Variants in PROSER1 observed in about 807,000 individuals in gnomAD.
PROSER1 encodes the protein proline and serine rich 1.
In PROSER1, 36 loss-of-function variants were observed where a neutral mutation model predicts 71.8. That is an observed-to-expected ratio of 0.50 (90% CI 0.38 to 0.66). PROSER1 has a LOEUF of 0.66. Among genes scored for constraint, PROSER1 ranks in the 30% least tolerant of loss-of-function variants. The pLI is 0.00. For missense variants in PROSER1, 1,107 were observed against 1,135.0 expected, an observed-to-expected ratio of 0.98 and a Z score of 0.35; for synonymous variants, 490 against 452.4, an observed-to-expected ratio of 1.08 and a Z score of -1.06.
chr13:39,029,069 A>T, intron 4 of PROSER1: 1 of 360,316 alleles, frequency 2.8e-6, no homozygotes, highest in Non-Finnish European at 4.9e-6. Context: ...AAATCAAATT[A>T]AACAATCTTG....
rs1871237050 is a variant in PROSER1, at chr13:39,037,979, GC to G, written c.-738del. The G allele has an allele frequency of 6.6e-6, 1 of 152,582 alleles. No individual in the cohort carries two copies. Among genetic ancestry groups the G allele is most frequent in the African/African-American group, 2.4e-5 (1 of 41,414 alleles). 9.5% of individuals were successfully genotyped at this position (152,582 alleles called of 1,614,324 possible). A position where few individuals can be genotyped will look rare whatever the true frequency, so the allele number is the denominator to read the frequency against. ...AAACGCAGCCCCAACAGCGCCAGACGCCCTGCCTGGTTACCCCTACAGCCCC... is the reference window on the plus strand; with the variant it reads ...AAACGCAGCCCCAACAGCGCCAGACGCCTGCCTGGTTACCCCTACAGCCCC... On this transcript the variant is annotated 5_prime_UTR_variant, in exon 1 of 13. Transcript: ENST00000352251.
chr13:39,034,023 A>G, intron 2 of PROSER1, 108 bp downstream of exon 2: 1 of 729,382 alleles, frequency 1.4e-6, no homozygotes, highest in South Asian at 2.3e-5. Flanking sequence ...GTTCTTGAAT[A>G]AATACAGCAA....
Position 39,031,130 on chromosome 13 carries a change from AAAATT to A in PROSER1, c.180+428_180+432del, listed in dbSNP as rs1870820630. On this transcript the variant is annotated intron_variant, in intron 3 of 12. Coordinates refer to ENST00000352251, the MANE Select transcript of PROSER1 (RefSeq NM_025138.5). ...CTACTTGAACTAATTACAATTAAAT[AAAATT>A]AAATATAGTTCCTCAGATGAGGCAC... 3.9e-5 allele frequency among the ~76,000 whole-genome samples: 6 copies of A among 152,232 alleles called. No individual in the cohort carries two copies. In the South Asian group the frequency reaches 1.2e-3, roughly 32 times the overall value.
chr13:39,013,543 G>A lies in PROSER1; in HGVS notation c.1709C>T (p.Ser570Leu). Residue 570 changes from serine to leucine, a missense_variant, in exon 11 of 13, where the codon TCA becomes TTA. Physicochemically the swap from Ser to Leu is moderately radical, Grantham distance 145. Transcript: ENST00000352251. ...TGAGGAGCCACAGCTAACTGGCACTGACGTGGAAGCTGATGCAGCAGTGGC... is the reference window on the plus strand; with the variant it reads ...TGAGGAGCCACAGCTAACTGGCACTAACGTGGAAGCTGATGCAGCAGTGGC... ...PLATAASASTSVPVSCGSSAS... is the reference protein window; with the variant it reads ...PLATAASASTLVPVSCGSSAS... 1 of 1,614,128 alleles carries A rather than the reference G, an allele frequency of 6.2e-7. No homozygotes were observed. The highest frequency in any genetic ancestry group is 8.5e-7 in the Non-Finnish European group (1 of 1,180,028).
chr13:39,013,759 G>A lies in PROSER1; in HGVS notation c.1493C>T (p.Ala498Val), dbSNP rs1399986422. The change falls in exon 11 of 13, where the codon GCT becomes GTT. Residue 498 changes from alanine (A) to valine (V), a missense_variant. By Grantham distance (64) the Ala-to-Val change is moderately conservative (BLOSUM62 0). Coordinates refer to ENST00000352251, the MANE Select transcript of PROSER1 (RefSeq NM_025138.5). ...CTGAAGAGTAAGAGAAGATAGTGAA[G>A]CCAGCCCACTTGTGACAGCAGAGGA... ...ALSSAVTSGL[A>V]SLSSLTLQNS... 19 of 1,614,086 alleles carry A rather than the reference G, an allele frequency of 1.2e-5. No homozygotes were observed. The highest frequency in any genetic ancestry group is 1.6e-5 in the Non-Finnish European group (19 of 1,180,036).
intron 10 of PROSER1, among the ~76,000 whole-genome samples, chr13:39,017,267 A>G (rs1870048947): frequency 6.6e-6 from 1 of 152,238 alleles, no homozygotes; most frequent in African/African-American, 2.4e-5. Flanking sequence ...CAAGTTTTGC[A>G]AATTGTATAA....
At position 39,013,649 on chromosome 13, in the gene PROSER1, A is replaced by G. The variant is rs1215324421; in HGVS notation, c.1603T>C (p.Leu535=). ...PTPQRTSTPG[L]ALFPGLPSPV... Reference sequence around the variant, plus strand: ...GACGGCAGGCCTGGGAACAGGGCCAACCCTGGAGTGGAAGTCCTCTGTGGG... The same window carrying G: ...GACGGCAGGCCTGGGAACAGGGCCAGCCCTGGAGTGGAAGTCCTCTGTGGG... The change falls in exon 11 of 13, where the codon TTG becomes CTG. Residue 535 remains leucine (L), a synonymous_variant. Transcript: ENST00000352251. 2.5e-6 allele frequency: 4 copies of G among 1,614,142 alleles called. No individual in the cohort carries two copies. The highest frequency in any genetic ancestry group is 2.5e-6 in the Non-Finnish European group (3 of 1,179,996).
At position 39,011,996 on chromosome 13, in the gene PROSER1, GA is replaced by G; in HGVS notation, c.2712+86del. The G allele has an allele frequency of 2.2e-6, 3 of 1,342,842 alleles. No individual in the cohort carries two copies. The South Asian group carries it at 4.1e-5, about 18-fold the overall frequency. 83.2% of individuals were successfully genotyped at this position (1,342,842 alleles called of 1,614,324 possible). A position where few individuals can be genotyped will look rare whatever the true frequency, so the allele number is the denominator to read the frequency against. Reference sequence around the variant, plus strand: ...AAGAGCCATTTTTTGCCAATGTTGGGATATCGCAAATGATACTGCAATGTTA... The same window carrying G: ...AAGAGCCATTTTTTGCCAATGTTGGGTATCGCAAATGATACTGCAATGTTA... On this transcript the variant is annotated intron_variant, in intron 12 of 12. Coordinates refer to ENST00000352251, the MANE Select transcript of PROSER1 (RefSeq NM_025138.5).
intron 9 of PROSER1, among the ~76,000 whole-genome samples, chr13:39,019,876 C>T (rs1396476392): frequency 6.6e-6 from 1 of 151,512 alleles, no homozygotes; most frequent in East Asian, 1.9e-4. Flanking sequence ...ACACAATTTA[C>T]AAACCAAGCC....
In PROSER1 at chr13:39,009,912, G is replaced by A. The variant is rs1869556697; in HGVS notation, c.*1453C>T. The A allele has an allele frequency of 6.6e-6, 1 of 152,466 alleles. No homozygotes were observed. Among genetic ancestry groups the A allele is most frequent in the East Asian group, 1.9e-4 (1 of 5,192 alleles). 9.4% of individuals were successfully genotyped at this position (152,466 alleles called of 1,614,324 possible). On this transcript the variant is annotated 3_prime_UTR_variant, in exon 13 of 13. Transcript: ENST00000352251. Reference sequence around the variant, plus strand: ...GGTATAGATTTAAGAAAAACAAATGGCAACTTCCAGCAACTGGTATCAGAT... The same window carrying A: ...GGTATAGATTTAAGAAAAACAAATGACAACTTCCAGCAACTGGTATCAGAT...
intron 5 of PROSER1, 112 bp downstream of exon 5, chr13:39,028,115 T>C (rs1243908304): frequency 1.6e-6 from 1 of 624,746 alleles, no homozygotes; most frequent in Non-Finnish European, 2.9e-6. Context: ...TAACCCATTG[T>C]ACAACAGCAT....
In PROSER1 at chr13:39,029,247, T is replaced by TAAAAAAAAAAA. The variant is rs34146778; in HGVS notation, c.275+23_275+33dup. The TAAAAAAAAAAA allele has an allele frequency of 1.5e-5, 11 of 743,916 alleles. No individual in the cohort carries two copies. The African/African-American group carries it at 2.6e-4, about 18-fold the overall frequency. 46.1% of individuals were successfully genotyped at this position (743,916 alleles called of 1,614,324 possible). A position where few individuals can be genotyped will look rare whatever the true frequency, so the allele number is the denominator to read the frequency against. On this transcript the variant is annotated intron_variant, in intron 4 of 12. Coordinates refer to ENST00000352251, the MANE Select transcript of PROSER1 (RefSeq NM_025138.5). The stretch of plus-strand genomic sequence containing the variant: ...AAACGCTTCTACATTTTTTCCCAAG[T>TAAAAAAAAAAA]AAAAAAAAAAAAAAAAAAAAAAGAA...
chr13:39,014,460 T>G lies in PROSER1; in HGVS notation c.792A>C (p.Ala264=). 6.2e-7 allele frequency: 1 copy of G among 1,607,574 alleles called. No individual in the cohort carries two copies. Among genetic ancestry groups the G allele is most frequent in the Non-Finnish European group, 8.5e-7 (1 of 1,174,846 alleles). Residue 264 remains alanine, a synonymous_variant, in exon 11 of 13, where the codon GCA becomes GCC. Coordinates refer to ENST00000352251, the MANE Select transcript of PROSER1 (RefSeq NM_025138.5). ...PIQNQTFSTP[A]SQLFSPHGSN... ...AACCATGAGGAGAAAAGAGTTGACT[T>G]GCTGGGGTGGAAAATGCTATATGGA...
At chr13:39,026,249 TC>T in intron 6 of PROSER1, 27 bp downstream of exon 6, 1 of 1,412,436 alleles carries the variant, frequency 7.1e-7, no homozygotes, top group South Asian at 1.2e-5. Context: ...ATGAGAAGTT[TC>T]ATATACAGCT....
intron 3 of PROSER1, among the ~76,000 whole-genome samples, chr13:39,030,913 CCAGA>C (rs531359960): frequency 8.0e-4 from 121 of 152,162 alleles, no homozygotes; most frequent in Non-Finnish European, 1.5e-3. Context: ...ACTAACAGAC[CCAGA>C]CACTTTCTTA....
At chr13:39,017,411 C>T (rs868090204) in intron 10 of PROSER1, 89 bp downstream of exon 10, 4 of 829,780 alleles carry the variant, frequency 4.8e-6, no homozygotes, top group Middle Eastern at 2.2e-4. Flanking sequence ...AAAACATAAC[C>T]ATTCCAAATA....
At chr13:39,025,601 C>A (rs1870509040) in intron 6 of PROSER1, among the ~76,000 whole-genome samples, 1 of 152,156 alleles carries the variant, frequency 6.6e-6, no homozygotes, top group Admixed American at 6.5e-5. Flanking sequence ...TGCCAACCAC[C>A]AACACTACCT....
intron 2 of PROSER1, 36 bp from the exon 3 acceptor site, chr13:39,031,667 T>C: frequency 6.4e-7 from 1 of 1,558,894 alleles, no homozygotes. Flanking sequence ...AATGACAGCA[T>C]GTTTGCAAAC....
Position 39,023,129 on chromosome 13 carries a change from G to C in PROSER1, c.566C>G (p.Pro189Arg). The C allele has an allele frequency of 6.2e-7, 1 of 1,610,788 alleles. No individual in the cohort carries two copies. Reference sequence around the variant, plus strand: ...TTTATGTGGATTATATGTTGAAGGAGGCTAAAACATGGGGGAAAATACAGC... The same window carrying C: ...TTTATGTGGATTATATGTTGAAGGACGCTAAAACATGGGGGAAAATACAGC... ...AARILGPSKP[P>R]PSTYNPHKPV... The change falls in exon 8 of 13, where the codon CCT (proline) becomes CGT (arginine). Residue 189 changes from proline (P) to arginine (R), a missense_variant and splice_region_variant. Coordinates refer to ENST00000352251, the MANE Select transcript of PROSER1 (RefSeq NM_025138.5).
Sources: allele counts gnomAD v4.1 joint callset (sites outside exome capture counted in the v4.1 genomes callset), GRCh38; gene constraint gnomAD v4.1.1; transcripts MANE v1.5; gene names NCBI Gene and HGNC (gene_info 2026-07-23, HGNC 2026-07-21).